Variants in PIP4K2A observed in about 807,000 individuals in gnomAD.
The protein encoded by PIP4K2A is phosphatidylinositol-5-phosphate 4-kinase type 2 alpha, also known as phosphatidylinositol 5-phosphate 4-kinase type-2 alpha.
PIP4K2A carries 14 observed loss-of-function variants against 42.9 expected under a neutral mutation model. The observed-to-expected ratio is 0.33, with a 90% CI of 0.22 to 0.51. The LOEUF (loss-of-function observed/expected upper bound fraction) is 0.51. Ranked by LOEUF, PIP4K2A falls within the 20% of genes least tolerant of loss-of-function variation. PIP4K2A has a pLI of 0.97. For synonymous variants in PIP4K2A, 192 were observed against 192.2 expected, an observed-to-expected ratio of 1.00 and a Z score of 0.01; for missense variants, 434 against 519.8, an observed-to-expected ratio of 0.83 and a Z score of 1.61.
chr10:22,685,374 A>C (rs1839744088), intron 1 of PIP4K2A, among the ~76,000 whole-genome samples: 1 of 152,162 alleles, frequency 6.6e-6, no homozygotes, highest in Non-Finnish European at 1.5e-5. Context: ...AATTTTGGTC[A>C]TGACAGAATC....
chr10:22,708,036 T>C (rs1302066680), intron 1 of PIP4K2A, among the ~76,000 whole-genome samples: 3 of 152,002 alleles, frequency 2.0e-5, no homozygotes, highest in African/African-American at 4.8e-5. Context: ...AATATCAGTC[T>C]AGGAAAGAGG....
intron 1 of PIP4K2A, among the ~76,000 whole-genome samples, chr10:22,672,523 T>C (rs1160187713): frequency 6.6e-6 from 1 of 152,184 alleles, no homozygotes; most frequent in Non-Finnish European, 1.5e-5. Context: ...GGTGTACTTG[T>C]GAATATATAC....
chr10:22,630,673 A>C (rs1359089589), intron 1 of PIP4K2A, among the ~76,000 whole-genome samples: 1 of 152,240 alleles, frequency 6.6e-6, no homozygotes, highest in Non-Finnish European at 1.5e-5. Context: ...ATTATCAGCA[A>C]AACTTCAGAA....
At position 22,606,650 on chromosome 10, in the gene PIP4K2A, T is replaced by G. The variant is rs373730929; in HGVS notation, c.339+1277A>C. ...AGTGTGCTAACTATCTCAGTTTGCC[T>G]GAGGGACCCTATTCTTCAGAGGAAA... is the stretch of plus-strand genomic sequence containing the variant. On this transcript the variant is annotated intron_variant, in intron 3 of 9. Transcript: ENST00000376573. Among the ~76,000 whole-genome samples the G allele has an allele frequency of 5.9e-5, 9 of 152,358 alleles. No individual in the cohort carries two copies. The East Asian group carries it at 1.2e-3, about 20-fold the overall frequency.
intron 3 of PIP4K2A, among the ~76,000 whole-genome samples, chr10:22,601,270 C>T (rs1230690402): frequency 6.6e-6 from 1 of 151,422 alleles, no homozygotes; most frequent in South Asian, 2.1e-4. Flanking sequence ...TCAAAAGCCA[C>T]GAGGCAAAAC....
chr10:22,687,049 A>G (rs34729599), intron 1 of PIP4K2A, among the ~76,000 whole-genome samples: 48,872 of 151,822 alleles, frequency 0.32, 8,272 homozygotes, highest in Middle Eastern at 0.4. Flanking sequence ...TTAAGTTCTT[A>G]TACATTAAAT....
At chr10:22,544,764 C>T (rs1467252041) in intron 7 of PIP4K2A, among the ~76,000 whole-genome samples, 1 of 152,206 alleles carries the variant, frequency 6.6e-6, no homozygotes, top group Non-Finnish European at 1.5e-5. Context: ...ACTCACATGG[C>T]CCAGGAGGCC....
chr10:22,541,679 T>C, intron 8 of PIP4K2A, 125 bp downstream of exon 8: 1 of 1,091,228 alleles, frequency 9.2e-7, no homozygotes, highest in Non-Finnish European at 1.3e-6. Flanking sequence ...TCCATTTCTT[T>C]GGAGTTTGGA....
At position 22,690,579 on chromosome 10, in the gene PIP4K2A, T is replaced by C. The variant is rs556734390; in HGVS notation, c.144+23604A>G. On this transcript the variant is annotated intron_variant, in intron 1 of 9. Transcript: ENST00000376573. Reference sequence around the variant, plus strand: ...ATATCTCCTCTTTCAAGAGGAGATATGTGCTCTTTTCTTCAAAGAGCACAA... The same window carrying C: ...ATATCTCCTCTTTCAAGAGGAGATACGTGCTCTTTTCTTCAAAGAGCACAA... Among the ~76,000 whole-genome samples the C allele has an allele frequency of 3.3e-5, 5 of 152,328 alleles. No homozygotes were observed. The South Asian group carries it at 8.3e-4, about 25-fold the overall frequency.
At chr10:22,652,521 T>G (rs1839016606) in intron 1 of PIP4K2A, among the ~76,000 whole-genome samples, 1 of 152,198 alleles carries the variant, frequency 6.6e-6, no homozygotes, top group East Asian at 1.9e-4. Flanking sequence ...TTCGTAGTAA[T>G]CAACACTGTA....
At chr10:22,556,606 A>G (rs913225113) in intron 6 of PIP4K2A, among the ~76,000 whole-genome samples, 7 of 152,152 alleles carry the variant, frequency 4.6e-5, no homozygotes, top group Admixed American at 6.5e-5. Flanking sequence ...TTCTCAGCAC[A>G]TTATAATAGT....
intron 1 of PIP4K2A, among the ~76,000 whole-genome samples, chr10:22,624,704 C>T (rs1838400154): frequency 6.6e-6 from 1 of 152,164 alleles, no homozygotes; most frequent in South Asian, 2.1e-4. Context: ...AATCAGCACA[C>T]TTTACGCTTC....
intron 3 of PIP4K2A, among the ~76,000 whole-genome samples, chr10:22,597,026 G>T (rs532482780): frequency 3.3e-5 from 5 of 152,220 alleles, no homozygotes; most frequent in African/African-American, 1.2e-4. Flanking sequence ...TCAGGTTTTC[G>T]ATTTTGCCAA....
chr10:22,564,225 C>T (rs374511012), intron 6 of PIP4K2A, among the ~76,000 whole-genome samples: 4 of 152,084 alleles, frequency 2.6e-5, no homozygotes, highest in Admixed American at 1.3e-4. Flanking sequence ...AAGTCAAATA[C>T]GTGTGGCTTT....
At chr10:22,558,817 G>C (rs1011045097) in intron 6 of PIP4K2A, among the ~76,000 whole-genome samples, 1 of 152,342 alleles carries the variant, frequency 6.6e-6, no homozygotes, top group East Asian at 1.9e-4. Flanking sequence ...AAACAGTGCT[G>C]TAAGTAAGCC....
At chr10:22,621,552 G>A (rs1838331303) in intron 1 of PIP4K2A, among the ~76,000 whole-genome samples, 1 of 152,216 alleles carries the variant, frequency 6.6e-6, no homozygotes. Flanking sequence ...ATACCAAGCT[G>A]GCCAGAAGCC....
At position 22,714,415 on chromosome 10, in the gene PIP4K2A, C is replaced by A; in HGVS notation, c.-89G>T. The stretch of plus-strand genomic sequence containing the variant: ...CCCGGCCCGGGGAGGCAGCCGCATC[C>A]CCCCGGCGGCGGCCCCGGCGCGCCG... On this transcript the variant is annotated 5_prime_UTR_variant, in exon 1 of 10. Coordinates refer to ENST00000376573, the MANE Select transcript of PIP4K2A (RefSeq NM_005028.5). 4 of 947,190 alleles carry A rather than the reference C, an allele frequency of 4.2e-6. No homozygotes were observed. Among genetic ancestry groups the A allele is most frequent in the Non-Finnish European group, 5.2e-6 (4 of 768,164 alleles). 58.7% of individuals were successfully genotyped at this position (947,190 alleles called of 1,614,324 possible).
At position 22,535,233 on chromosome 10, in the gene PIP4K2A, T is replaced by C. The variant is rs1196136240; in HGVS notation, c.*1968A>G. The C allele has an allele frequency of 6.6e-6, 1 of 152,252 alleles. No homozygotes were observed. The highest frequency in any genetic ancestry group is 1.5e-5 in the Non-Finnish European group (1 of 68,050). The allele number at this position is 152,252 out of a possible 1,614,324, so 9.4% of individuals were successfully genotyped here. A position where few individuals can be genotyped will look rare whatever the true frequency, so the allele number is the denominator to read the frequency against. On this transcript the variant is annotated 3_prime_UTR_variant, in exon 10 of 10. Coordinates refer to ENST00000376573, the MANE Select transcript of PIP4K2A (RefSeq NM_005028.5). ...ACTTCAGGGTCTCATGGTTGTGGTC[T>C]TGGGTCAAACCACAGTAGAACTTCA... is the stretch of plus-strand genomic sequence containing the variant.
intron 4 of PIP4K2A, among the ~76,000 whole-genome samples, chr10:22,579,671 A>C (rs1837212606): frequency 6.6e-6 from 1 of 151,994 alleles, no homozygotes; most frequent in Non-Finnish European, 1.5e-5. Context: ...TTTGGGAGGC[A>C]GGGGAGGGTG....
Sources: gnomAD v4.1 joint callset for allele counts (sites outside exome capture counted in the v4.1 genomes callset) on GRCh38, gnomAD v4.1.1 for gene constraint, MANE v1.5 for transcripts, NCBI Gene and HGNC (gene_info 2026-07-23, HGNC 2026-07-21) for gene names.